MIS18A: variants seen among roughly 807,000 people sequenced by gnomAD.
MIS18A encodes protein Mis18-alpha.
MIS18A carries 14 observed loss-of-function variants against 25.0 expected under a neutral mutation model. The observed-to-expected ratio is 0.56, with a 90% CI of 0.37 to 0.88. MIS18A has a LOEUF of 0.88. Among genes scored for constraint, MIS18A ranks in the 40% least tolerant of loss-of-function variants. MIS18A has a pLI of 0.00. For missense variants in MIS18A, 292 were observed against 290.8 expected, an observed-to-expected ratio of 1.00 and a Z score of -0.03; for synonymous variants, 134 against 118.6, an observed-to-expected ratio of 1.13 and a Z score of -0.84.
At chr21:32,166,491 C>CA in the MIS18A span, among the ~76,000 whole-genome samples, 1 of 151,996 alleles carries the variant, frequency 6.6e-6, no homozygotes, top group South Asian at 2.1e-4. Context: ...AGGAAGTGCT[C>CA]AAAAAACAGA....
At chr21:32,183,511 C>T in the MIS18A span, among the ~76,000 whole-genome samples, 1 of 152,112 alleles carries the variant, frequency 6.6e-6, no homozygotes, top group Non-Finnish European at 1.5e-5. Flanking sequence ...TTCTCAGAAC[C>T]ATCCAGGTCC....
At chr21:32,265,557 C>A (rs1021037517), downstream of MIS18A, among the ~76,000 whole-genome samples, 1 of 152,254 alleles carries the variant, frequency 6.6e-6, no homozygotes, top group Non-Finnish European at 1.5e-5. Context: ...CAGGCCTTAG[C>A]TGCCTTCCCG....
chr21:32,251,574 C>G, the MIS18A span, among the ~76,000 whole-genome samples: 1 of 152,178 alleles, frequency 6.6e-6, no homozygotes, highest in East Asian at 1.9e-4. Flanking sequence ...TTAACCCTGT[C>G]AGCCCCCAAA....
At chr21:32,181,439 C>A in the MIS18A span, among the ~76,000 whole-genome samples, 3 of 152,142 alleles carry the variant, frequency 2.0e-5, no homozygotes, top group Non-Finnish European at 4.4e-5. Context: ...CTCTGGGGAA[C>A]CCTCACTAAT....
the MIS18A span, among the ~76,000 whole-genome samples, chr21:32,247,563 C>T: frequency 2.0e-5 from 3 of 152,132 alleles, no homozygotes; most frequent in Non-Finnish European, 4.4e-5. Flanking sequence ...ACCCCTGGAT[C>T]TCCTGAGGTA....
At chr21:32,234,388 C>T in the MIS18A span, among the ~76,000 whole-genome samples, 1 of 152,186 alleles carries the variant, frequency 6.6e-6, no homozygotes, top group Middle Eastern at 3.4e-3. Flanking sequence ...TCCCATAGTC[C>T]TAATGCCTAA....
chr21:32,221,236 T>A, the MIS18A span, among the ~76,000 whole-genome samples: 3,467 of 152,008 alleles, frequency 0.023, 121 homozygotes, highest in African/African-American at 0.078. Context: ...GAAAGAAAGG[T>A]CAAGTTACCC....
At chr21:32,261,769 G>T in the MIS18A span, among the ~76,000 whole-genome samples, 1 of 152,214 alleles carries the variant, frequency 6.6e-6, no homozygotes, top group Non-Finnish European at 1.5e-5. Flanking sequence ...ACACAGCCAA[G>T]AAGACACACG....
the MIS18A span, among the ~76,000 whole-genome samples, chr21:32,241,384 A>C: frequency 1.6e-4 from 24 of 148,926 alleles, no homozygotes; most frequent in Admixed American, 8.0e-4. Context: ...AAAAAAAAAA[A>C]AACTCAAGAA....
chr21:32,277,562 C>T (rs2031838431), intron 1 of MIS18A, among the ~76,000 whole-genome samples: 1 of 152,212 alleles, frequency 6.6e-6, no homozygotes, highest in South Asian at 2.1e-4. Context: ...AAGTGATTCT[C>T]CTGCCTCAGC....
At chr21:32,196,410 C>T in the MIS18A span, among the ~76,000 whole-genome samples, 1 of 151,934 alleles carries the variant, frequency 6.6e-6, no homozygotes, top group South Asian at 2.1e-4. Context: ...CAGCTTGCTG[C>T]CTGCAGATCT....
chr21:32,239,561 T>G, the MIS18A span, among the ~76,000 whole-genome samples: 1 of 152,224 alleles, frequency 6.6e-6, no homozygotes, highest in Non-Finnish European at 1.5e-5. Context: ...ATTTATAAGA[T>G]TCTCACCATG....
At chr21:32,231,484 A>G in the MIS18A span, among the ~76,000 whole-genome samples, 3 of 152,192 alleles carry the variant, frequency 2.0e-5, no homozygotes, top group Admixed American at 1.3e-4. Flanking sequence ...CACAACCACA[A>G]TGCGATATCA....
chr21:32,172,392 A>G, the MIS18A span, among the ~76,000 whole-genome samples: 1 of 152,102 alleles, frequency 6.6e-6, no homozygotes, highest in African/African-American at 2.4e-5. Context: ...TAACATCCTA[A>G]GTGTCTGTCA....
the MIS18A span, among the ~76,000 whole-genome samples, chr21:32,220,389 G>A: frequency 6.6e-6 from 1 of 152,222 alleles, no homozygotes; most frequent in Non-Finnish European, 1.5e-5. Context: ...AGAGGGTCCT[G>A]ACTGTTAGAA....
chr21:32,249,674 C>T, the MIS18A span, among the ~76,000 whole-genome samples: 3 of 152,140 alleles, frequency 2.0e-5, no homozygotes, highest in South Asian at 2.1e-4. Flanking sequence ...CATCTGCTTC[C>T]GGTCAGAACC....
the MIS18A span, among the ~76,000 whole-genome samples, chr21:32,239,351 A>C: frequency 3.9e-5 from 6 of 152,208 alleles, no homozygotes; most frequent in Non-Finnish European, 8.8e-5. Flanking sequence ...CCTGAACTTA[A>C]AGTGGAAAGC....
At chr21:32,189,918 C>T in the MIS18A span, among the ~76,000 whole-genome samples, 3 of 152,198 alleles carry the variant, frequency 2.0e-5, no homozygotes, top group African/African-American at 4.8e-5. Context: ...GTGCTCCCAG[C>T]GCAGGACCCA....
chr21:32,259,709 G>C, the MIS18A span: 1 of 152,228 alleles, frequency 6.6e-6, no homozygotes, highest in African/African-American at 2.4e-5. Flanking sequence ...CTTGCACCCA[G>C]ACAGCGCGCA....
Sources: gnomAD v4.1 joint callset for allele counts (sites outside exome capture counted in the v4.1 genomes callset) on GRCh38, gnomAD v4.1.1 for gene constraint, MANE v1.5 for transcripts, NCBI Gene and HGNC (gene_info 2026-07-23, HGNC 2026-07-21) for gene names.